The following PGBD2 variants were observed in gnomAD, a reference collection of about 807,000 sequenced individuals.
The protein encoded by PGBD2 is piggyBac transposable element derived 2.
A neutral mutation model predicts 8.1 loss-of-function variants in PGBD2; 6 were observed. The ratio of observed to expected loss-of-function variants is 0.74; its 90% CI spans 0.40 to 1.46. The LOEUF is 1.46. Among genes scored for constraint, PGBD2 ranks in the 40% most tolerant of loss-of-function variants. The pLI is 0.02. For synonymous variants in PGBD2, 318 were observed against 272.2 expected (o/e 1.17, Z -1.66); for missense variants, 802 against 739.0 (o/e 1.09, Z -0.99).
chr1:248,873,928 A>G, the PGBD2 span, among the ~76,000 whole-genome samples: 13 of 152,178 alleles, frequency 8.5e-5, no homozygotes, highest in Non-Finnish European at 1.6e-4. Context: ...TGGTCTCCGG[A>G]TGGAGGCGTG....
At chr1:248,884,536 G>A in the PGBD2 span, among the ~76,000 whole-genome samples, 1 of 152,032 alleles carries the variant, frequency 6.6e-6, no homozygotes, top group Admixed American at 6.6e-5. Context: ...TAGTAGAGAC[G>A]GGGTTTCACC....
At chr1:248,926,116 C>T in the PGBD2 span, among the ~76,000 whole-genome samples, 4 of 151,982 alleles carry the variant, frequency 2.6e-5, no homozygotes, top group African/African-American at 9.7e-5. Context: ...TGCTGCTGTT[C>T]TCTGTGGAGC....
At chr1:248,887,341 C>T in the PGBD2 span, among the ~76,000 whole-genome samples, 1 of 152,196 alleles carries the variant, frequency 6.6e-6, no homozygotes, top group Non-Finnish European at 1.5e-5. Flanking sequence ...GTTCCTCAGT[C>T]TTTCCTTGTC....
chr1:248,910,225 A>C (rs1216585707), intron 1 of PGBD2, among the ~76,000 whole-genome samples: 1 of 152,242 alleles, frequency 6.6e-6, no homozygotes, highest in Non-Finnish European at 1.5e-5. Flanking sequence ...ATTTATAGTA[A>C]CAGAATTAGA....
chr1:248,903,960 G>A (rs1230042583), upstream of PGBD2, among the ~76,000 whole-genome samples: 1 of 152,032 alleles, frequency 6.6e-6, no homozygotes, highest in Non-Finnish European at 1.5e-5. Flanking sequence ...ATTTTTATAT[G>A]TAAAGTCTCA....
the PGBD2 span, among the ~76,000 whole-genome samples, chr1:248,926,525 G>A: frequency 1.3e-5 from 2 of 152,164 alleles, no homozygotes; most frequent in Non-Finnish European, 2.9e-5. Context: ...GACTTTGAAA[G>A]CTTCTTTTGG....
chr1:248,912,449 T>TG (rs1661927590), intron 1 of PGBD2, among the ~76,000 whole-genome samples: 4 of 152,188 alleles, frequency 2.6e-5, no homozygotes, highest in Admixed American at 6.5e-5. Context: ...AATGGTTAAA[T>TG]GGGGGTTACT....
At chr1:248,887,933 C>A in the PGBD2 span, among the ~76,000 whole-genome samples, 1 of 152,174 alleles carries the variant, frequency 6.6e-6, no homozygotes, top group South Asian at 2.1e-4. Flanking sequence ...TTTGGAGTCT[C>A]CAGTGTCTGT....
the PGBD2 span, among the ~76,000 whole-genome samples, chr1:248,877,614 C>T: frequency 8.5e-5 from 13 of 152,096 alleles, no homozygotes; most frequent in Non-Finnish European, 1.8e-4. Flanking sequence ...ATTTAAGGGG[C>T]AATAAATGAT....
chr1:248,921,838 A>G (rs1271715782), downstream of PGBD2, among the ~76,000 whole-genome samples: 1 of 152,150 alleles, frequency 6.6e-6, no homozygotes, highest in East Asian at 1.9e-4. Flanking sequence ...TTCTCCTTGA[A>G]GAGGTCCTTG....
Position 248,916,600 on chromosome 1 carries a change from A to G in PGBD2, c.18-2A>G. On this transcript the variant is annotated splice_acceptor_variant, in intron 2 of 2. Coordinates refer to ENST00000329291, the MANE Select transcript of PGBD2 (RefSeq NM_170725.3). LOFTEE classifies it high-confidence loss of function. ...TCCTGATTCTGTTTCCTGTCATAAC[A>G]GAGATGTCATTGCTGGGAGAGGTAT... 1 of 1,613,384 alleles carries G rather than the reference A, an allele frequency of 6.2e-7. No homozygotes were observed. Among genetic ancestry groups the G allele is most frequent in the Non-Finnish European group, 8.5e-7 (1 of 1,179,408 alleles).
the PGBD2 span, among the ~76,000 whole-genome samples, chr1:248,895,610 T>G: frequency 6.6e-6 from 1 of 152,036 alleles, no homozygotes; most frequent in Non-Finnish European, 1.5e-5. Flanking sequence ...GATAAGTTCT[T>G]TAGTGGGATT....
chr1:248,922,203 G>T (rs1012693038), downstream of PGBD2, among the ~76,000 whole-genome samples: 30 of 152,082 alleles, frequency 2.0e-4, no homozygotes, highest in African/African-American at 7.2e-4. Context: ...GGGACCACAG[G>T]CGCCCGCCAC....
chr1:248,929,364 T>A, the PGBD2 span, among the ~76,000 whole-genome samples: 4 of 152,206 alleles, frequency 2.6e-5, no homozygotes, highest in Admixed American at 2.6e-4. Flanking sequence ...GTGTCCACTA[T>A]CAGCACATTC....
At chr1:248,891,806 A>G in the PGBD2 span, among the ~76,000 whole-genome samples, 2 of 152,280 alleles carry the variant, frequency 1.3e-5, no homozygotes, top group African/African-American at 2.4e-5. Context: ...CCTGGGCAAC[A>G]GAATGACAGC....
At position 248,917,798 on chromosome 1, in the gene PGBD2, G is replaced by T; in HGVS notation, c.1214G>T (p.Ser405Ile). The T allele has an allele frequency of 6.2e-7, 1 of 1,614,212 alleles. No homozygotes were observed. The highest frequency in any genetic ancestry group is 8.5e-7 in the Non-Finnish European group (1 of 1,180,044). ...RGSFDYKVDE[S>I]EEIIVCRWHD... ...TCATTTGATTACAAAGTCGATGAGA[G>T]TGAGGAGATCATCGTGTGCCGCTGG... is the stretch of plus-strand genomic sequence containing the variant. The change falls in exon 3 of 3, where the codon AGT becomes ATT. Residue 405 changes from serine to isoleucine, a missense_variant. Coordinates refer to ENST00000329291, the MANE Select transcript of PGBD2 (RefSeq NM_170725.3).
intron 1 of PGBD2, among the ~76,000 whole-genome samples, chr1:248,910,943 G>A (rs987062187): frequency 6.6e-6 from 1 of 151,874 alleles, no homozygotes. Context: ...TGACCACACC[G>A]TGAAACCACC....
chr1:248,907,258 C>T (rs1318705133), intron 1 of PGBD2, among the ~76,000 whole-genome samples: 1 of 152,220 alleles, frequency 6.6e-6, no homozygotes. Context: ...TCTCTCTGCC[C>T]AAACATTTCA....
At position 248,918,255 on chromosome 1, in the gene PGBD2, G is replaced by A. The variant is rs763495896; in HGVS notation, c.1671G>A (p.Gln557=). The change falls in exon 3 of 3, where the codon CAG becomes CAA. Residue 557 remains glutamine (Q), a synonymous_variant. Coordinates refer to ENST00000329291, the MANE Select transcript of PGBD2 (RefSeq NM_170725.3). ...FDMIGHWIIH[Q]DKRTRCALCH... is the part of the protein sequence containing the mutation. ...TGATTGGGCACTGGATTATCCATCA[G>A]GACAAGAGGACCCGGTGTGCCCTCT... The A allele has an allele frequency of 6.2e-7, 1 of 1,613,454 alleles. No individual in the cohort carries two copies. The highest frequency in any genetic ancestry group is 1.7e-5 in the Admixed American group (1 of 59,964).
Sources: gnomAD v4.1 joint callset for allele counts (sites outside exome capture counted in the v4.1 genomes callset) on GRCh38, gnomAD v4.1.1 for gene constraint, MANE v1.5 for transcripts, NCBI Gene and HGNC (gene_info 2026-07-23, HGNC 2026-07-21) for gene names.